The following DYNC1I1 variants were observed in gnomAD, a reference collection of about 807,000 sequenced individuals.
The protein encoded by DYNC1I1 is cytoplasmic dynein 1 intermediate chain 1.
DYNC1I1 carries 43 observed loss-of-function variants against 86.6 expected under a neutral mutation model. That is an observed-to-expected ratio of 0.50 (90% CI 0.39 to 0.64). DYNC1I1 has a LOEUF of 0.64. DYNC1I1 is among the 30% of genes least tolerant of loss of function. DYNC1I1 has a pLI of 0.00. For missense variants in DYNC1I1, 604 were observed against 788.8 expected (o/e 0.77, Z 2.81); for synonymous variants, 262 against 283.7 (o/e 0.92, Z 0.77).
At chr7:96,014,068 G>A (rs1794344082) in intron 10 of DYNC1I1, among the ~76,000 whole-genome samples, 1 of 152,094 alleles carries the variant, frequency 6.6e-6, no homozygotes, top group African/African-American at 2.4e-5. Context: ...GCTGTCCTCT[G>A]ACCAGAGCAG....
chr7:95,885,018 T>A (rs1790557366), intron 6 of DYNC1I1, among the ~76,000 whole-genome samples: 1 of 152,246 alleles, frequency 6.6e-6, no homozygotes, highest in Non-Finnish European at 1.5e-5. Context: ...CATTTGCATG[T>A]ATTCTAACTA....
intron 10 of DYNC1I1, among the ~76,000 whole-genome samples, chr7:96,012,145 G>A (rs939190093): frequency 6.6e-6 from 1 of 152,104 alleles, no homozygotes; most frequent in Non-Finnish European, 1.5e-5. Flanking sequence ...TTTGACAGAA[G>A]GTATATGGAT....
intron 1 of DYNC1I1, among the ~76,000 whole-genome samples, chr7:95,792,659 T>C (rs563004363): frequency 6.6e-6 from 1 of 152,196 alleles, no homozygotes; most frequent in African/African-American, 2.4e-5. Flanking sequence ...AAAACTTACA[T>C]TAAATAAATT....
At chr7:95,873,867 C>A (rs1370104212) in intron 6 of DYNC1I1, among the ~76,000 whole-genome samples, 1 of 152,230 alleles carries the variant, frequency 6.6e-6, no homozygotes, top group Non-Finnish European at 1.5e-5. Context: ...TCATTGCTGT[C>A]ACTTTCACAT....
At position 95,855,944 on chromosome 7, in the gene DYNC1I1, C is replaced by T. The variant is rs1038220566; in HGVS notation, c.375-13939C>T. On this transcript the variant is annotated intron_variant, in intron 5 of 16. Coordinates refer to ENST00000447467, the MANE Select transcript of DYNC1I1 (RefSeq NM_001135556.2). Reference sequence around the variant, plus strand: ...CACCATAGACTTTATAAATACTACACTTAGGCTGTACTAAATTTATAATTT... The same window carrying T: ...CACCATAGACTTTATAAATACTACATTTAGGCTGTACTAAATTTATAATTT... Among the ~76,000 whole-genome samples, 11 of 152,272 alleles carry T rather than the reference C, an allele frequency of 7.2e-5. No individual in the cohort carries two copies. The South Asian group carries it at 1.2e-3, about 17-fold the overall frequency.
intron 5 of DYNC1I1, among the ~76,000 whole-genome samples, chr7:95,848,903 T>A (rs929404593): frequency 6.6e-6 from 1 of 152,178 alleles, no homozygotes; most frequent in Non-Finnish European, 1.5e-5. Context: ...TCTTTTGTCC[T>A]TCTGATCATA....
chr7:95,947,954 G>A (rs1050512292), intron 6 of DYNC1I1, among the ~76,000 whole-genome samples: 10 of 143,938 alleles, frequency 6.9e-5, no homozygotes, highest in African/African-American at 1.5e-4. Context: ...AATAAAGTCT[G>A]TCAAAAACCA....
At chr7:95,920,211 G>T (rs1016668366) in intron 6 of DYNC1I1, among the ~76,000 whole-genome samples, 8 of 152,182 alleles carry the variant, frequency 5.3e-5, no homozygotes, top group Admixed American at 4.6e-4. Context: ...TTTAGAATGA[G>T]ATGAGGAGCA....
At chr7:95,831,493 T>C (rs1358971250) in intron 5 of DYNC1I1, among the ~76,000 whole-genome samples, 1 of 152,160 alleles carries the variant, frequency 6.6e-6, no homozygotes, top group Non-Finnish European at 1.5e-5. Flanking sequence ...CTCTTTGAGA[T>C]ACTAATTTTA....
intron 14 of DYNC1I1, among the ~76,000 whole-genome samples, chr7:96,072,997 A>G (rs1790214288): frequency 6.6e-6 from 1 of 152,220 alleles, no homozygotes; most frequent in African/African-American, 2.4e-5. Flanking sequence ...ATTGTAAGTG[A>G]CATTCGCCTG....
At chr7:96,009,205 T>C (rs1418110877) in intron 10 of DYNC1I1, among the ~76,000 whole-genome samples, 2 of 152,194 alleles carry the variant, frequency 1.3e-5, no homozygotes, top group Non-Finnish European at 2.9e-5. Context: ...CCCACTTTTT[T>C]CCCGGGAGTT....
chr7:95,894,146 T>G (rs985775849), intron 6 of DYNC1I1, among the ~76,000 whole-genome samples: 4 of 151,912 alleles, frequency 2.6e-5, no homozygotes, highest in Non-Finnish European at 5.9e-5. Context: ...ACATCCCAGA[T>G]TATTAGTTGC....
intron 5 of DYNC1I1, among the ~76,000 whole-genome samples, chr7:95,851,695 G>A (rs540374666): frequency 5.9e-4 from 89 of 151,856 alleles, no homozygotes; most frequent in African/African-American, 2.1e-3. Context: ...CCAGAGTTTC[G>A]CTCTTGTTGC....
intron 1 of DYNC1I1, among the ~76,000 whole-genome samples, chr7:95,781,668 C>T (rs187969868): frequency 1.1e-3 from 161 of 152,306 alleles, no homozygotes; most frequent in Non-Finnish European, 2.1e-3. Flanking sequence ...GCTGGAAAGG[C>T]AGATCTGGGC....
At chr7:95,973,129 T>C (rs1173881660) in intron 6 of DYNC1I1, among the ~76,000 whole-genome samples, 1 of 152,230 alleles carries the variant, frequency 6.6e-6, no homozygotes, top group East Asian at 1.9e-4. Context: ...ACAACTCATA[T>C]ATCAGTAGTC....
chr7:95,975,448 G>T (rs1035294824), intron 6 of DYNC1I1, among the ~76,000 whole-genome samples: 1 of 152,108 alleles, frequency 6.6e-6, no homozygotes, highest in African/African-American at 2.4e-5. Context: ...GCATCAGGCC[G>T]ATCTTTGCCT....
Position 95,891,265 on chromosome 7 carries a change from A to G in DYNC1I1, c.490+21267A>G, listed in dbSNP as rs560265919. 1.1e-4 allele frequency among the ~76,000 whole-genome samples: 17 copies of G among 152,346 alleles called. 1 individual carries two copies. The highest frequency in any genetic ancestry group is 3.8e-4 in the African/African-American group (16 of 41,584). On this transcript the variant is annotated intron_variant, in intron 6 of 16. Coordinates refer to ENST00000447467, the MANE Select transcript of DYNC1I1 (RefSeq NM_001135556.2). ...CGAAGAAATATATTTCCGATGTTTG[A>G]TCTCCCTAGTCTGTGGTCCTCTGTT...
chr7:95,952,968 G>C (rs1337554537), intron 6 of DYNC1I1, among the ~76,000 whole-genome samples: 3 of 151,636 alleles, frequency 2.0e-5, no homozygotes, highest in African/African-American at 7.3e-5. Flanking sequence ...AGAGTCCAGG[G>C]GTGACCATAG....
chr7:95,988,786 A>G (rs557567506), intron 9 of DYNC1I1, among the ~76,000 whole-genome samples: 7 of 152,318 alleles, frequency 4.6e-5, no homozygotes, highest in Admixed American at 4.6e-4. Flanking sequence ...TTTTTCTTAT[A>G]TACAAAGCAC....
Sources: allele counts gnomAD v4.1 joint callset (sites outside exome capture counted in the v4.1 genomes callset), GRCh38; gene constraint gnomAD v4.1.1; transcripts MANE v1.5; gene names NCBI Gene and HGNC (gene_info 2026-07-23, HGNC 2026-07-21).